LRRTM4: variants seen among roughly 807,000 people sequenced by gnomAD.
LRRTM4 encodes leucine-rich repeat transmembrane neuronal protein 4.
A neutral mutation model predicts 47.6 loss-of-function variants in LRRTM4; 25 were observed. That is an observed-to-expected ratio of 0.53 (90% CI 0.38 to 0.73). The LOEUF (loss-of-function observed/expected upper bound fraction) is 0.73. LRRTM4 is among the 30% of genes least tolerant of loss of function. The probability of loss-of-function intolerance (pLI) is 0.00; values close to 1 mark genes in which losing one functional copy is unlikely to be tolerated. For missense variants in LRRTM4, 638 were observed against 713.4 expected, an observed-to-expected ratio of 0.89 and a Z score of 1.20; for synonymous variants, 311 against 269.5, an observed-to-expected ratio of 1.15 and a Z score of -1.51.
chr2:76,776,520 A>C (rs1010933601), intron 3 of LRRTM4, among the ~76,000 whole-genome samples: 4 of 151,942 alleles, frequency 2.6e-5, no homozygotes, highest in African/African-American at 7.3e-5. Context: ...GATGATGAGC[A>C]TTTTTTCATG....
chr2:77,183,265 G>T lies in LRRTM4; in HGVS notation c.1551+335053C>A, dbSNP rs191555552. On this transcript the variant is annotated intron_variant, in intron 3 of 3. Coordinates refer to ENST00000409884, the MANE Select transcript of LRRTM4 (RefSeq NM_001134745.3). ...AAAAAACAACCCCATCAAAACGTGGGTGAAGGATATGAACAGACACTTCAC... is the reference window on the plus strand; with the variant it reads ...AAAAAACAACCCCATCAAAACGTGGTTGAAGGATATGAACAGACACTTCAC... Among the ~76,000 whole-genome samples the T allele has an allele frequency of 4.3e-3, 659 of 152,230 alleles. 4 individuals are homozygous for T. The highest frequency in any genetic ancestry group is 0.015 in the African/African-American group (627 of 41,528).
intron 3 of LRRTM4, among the ~76,000 whole-genome samples, chr2:76,998,615 T>TAC (rs1415015975): frequency 5.9e-5 from 9 of 152,088 alleles, no homozygotes; most frequent in African/African-American, 2.2e-4. Flanking sequence ...GCAATTTTTG[T>TAC]ACACATTGAA....
chr2:77,431,178 G>C (rs755074640), intron 3 of LRRTM4, among the ~76,000 whole-genome samples: 3 of 148,706 alleles, frequency 2.0e-5, no homozygotes, highest in African/African-American at 7.8e-5. Flanking sequence ...AAATCTTCTC[G>C]TCTATCTCTA....
chr2:76,951,995 A>G (rs1026304194), intron 3 of LRRTM4, among the ~76,000 whole-genome samples: 22 of 152,042 alleles, frequency 1.4e-4, no homozygotes, highest in Middle Eastern at 3.4e-3. Flanking sequence ...TCCGTGGTGT[A>G]TATGTGCCAC....
chr2:77,460,010 C>T (rs1676723255), intron 3 of LRRTM4, among the ~76,000 whole-genome samples: 1 of 151,694 alleles, frequency 6.6e-6, no homozygotes, highest in South Asian at 2.1e-4. Flanking sequence ...TGATAATCTT[C>T]AAATTACTAC....
chr2:77,340,974 A>G (rs1671351661), intron 3 of LRRTM4, among the ~76,000 whole-genome samples: 1 of 151,952 alleles, frequency 6.6e-6, no homozygotes, highest in African/African-American at 2.4e-5. Context: ...CCTGATATAA[A>G]GCATTTGCAA....
At chr2:76,881,439 C>CT (rs1394734355) in intron 3 of LRRTM4, among the ~76,000 whole-genome samples, 1 of 145,880 alleles carries the variant, frequency 6.9e-6, no homozygotes, top group Non-Finnish European at 1.5e-5. Flanking sequence ...AAGAATAAGA[C>CT]TTTTTTGAGT....
intron 3 of LRRTM4, among the ~76,000 whole-genome samples, chr2:76,986,743 G>C (rs1473350994): frequency 6.6e-6 from 1 of 151,868 alleles, no homozygotes; most frequent in Non-Finnish European, 1.5e-5. Context: ...TAATGATATT[G>C]TTTGTACTCT....
intron 3 of LRRTM4, among the ~76,000 whole-genome samples, chr2:76,842,816 G>A (rs1184269048): frequency 6.6e-6 from 1 of 151,980 alleles, no homozygotes; most frequent in African/African-American, 2.4e-5. Context: ...ATAGTGTTTT[G>A]CTGCACCTAT....
At chr2:76,812,796 C>CTCTTCCTCCTCCTCT in intron 3 of LRRTM4, among the ~76,000 whole-genome samples, 4 of 130,760 alleles carry the variant, frequency 3.1e-5, no homozygotes, top group East Asian at 2.7e-4. Flanking sequence ...CTCCCTCCCC[C>CTCTTCCTCCTCCTCT]CCCTCCTCCT....
At chr2:76,751,029 T>G (rs1170259213) in intron 3 of LRRTM4, among the ~76,000 whole-genome samples, 1 of 152,232 alleles carries the variant, frequency 6.6e-6, no homozygotes, top group African/African-American at 2.4e-5. Context: ...ATAAGAGTTT[T>G]GTTTTAAATT....
chr2:77,256,765 A>AT (rs1207989395), intron 3 of LRRTM4, among the ~76,000 whole-genome samples: 2 of 146,558 alleles, frequency 1.4e-5, no homozygotes, highest in Admixed American at 6.8e-5. Context: ...GACTAATGCA[A>AT]TTTGAGAACA....
intron 3 of LRRTM4, among the ~76,000 whole-genome samples, chr2:77,021,238 A>C (rs6547116): frequency 0.46 from 69,086 of 151,568 alleles, 15,940 homozygotes; most frequent in East Asian, 0.53. Context: ...CTATACAGAT[A>C]ACAAGACCAC....
At chr2:77,366,132 A>C (rs1672444572) in intron 3 of LRRTM4, among the ~76,000 whole-genome samples, 1 of 143,722 alleles carries the variant, frequency 7.0e-6, no homozygotes, top group Non-Finnish European at 1.5e-5. Flanking sequence ...TAGAAGAATC[A>C]TTAATAATTT....
At chr2:76,895,360 T>A (rs10184480) in intron 3 of LRRTM4, among the ~76,000 whole-genome samples, 45,321 of 151,882 alleles carry the variant, frequency 0.3, 7,112 homozygotes, top group African/African-American at 0.38. Context: ...ATTTAGTAAT[T>A]ATAAAAATGA....
At chr2:77,188,851 C>T (rs1377911545) in intron 3 of LRRTM4, among the ~76,000 whole-genome samples, 1 of 152,168 alleles carries the variant, frequency 6.6e-6, no homozygotes, top group Non-Finnish European at 1.5e-5. Context: ...GCCTCTAATT[C>T]TAATCCACCA....
At chr2:77,216,741 G>A (rs1674453299) in intron 3 of LRRTM4, among the ~76,000 whole-genome samples, 1 of 151,774 alleles carries the variant, frequency 6.6e-6, no homozygotes, top group Non-Finnish European at 1.5e-5. Flanking sequence ...TATTTCGGCG[G>A]CTTTCAGACT....
intron 3 of LRRTM4, among the ~76,000 whole-genome samples, chr2:76,935,405 G>A (rs894178174): frequency 3.3e-5 from 5 of 152,120 alleles, no homozygotes; most frequent in Admixed American, 2.6e-4. Flanking sequence ...ATGGTAGCTT[G>A]ATGGGAATAG....
intron 3 of LRRTM4, among the ~76,000 whole-genome samples, chr2:77,171,846 A>T (rs966429222): frequency 3.9e-5 from 6 of 152,122 alleles, no homozygotes; most frequent in Non-Finnish European, 8.8e-5. Context: ...TCAGCAAAAC[A>T]AAGGCCACTC....
Sources: allele counts gnomAD v4.1 joint callset (sites outside exome capture counted in the v4.1 genomes callset), GRCh38; gene constraint gnomAD v4.1.1; transcripts MANE v1.5; gene names NCBI Gene and HGNC (gene_info 2026-07-23, HGNC 2026-07-21).